Variants in DCC observed in about 807,000 individuals in gnomAD.
DCC encodes netrin receptor DCC.
A neutral mutation model predicts 172.5 loss-of-function variants in DCC; 58 were observed. The observed-to-expected ratio is 0.34, with a 90% CI of 0.27 to 0.42. The LOEUF (loss-of-function observed/expected upper bound fraction) is 0.42. Ranked by LOEUF, DCC falls within the 10% of genes least tolerant of loss-of-function variation. The pLI is 1.00. For missense variants in DCC, 1,740 were observed against 1,791.0 expected, an observed-to-expected ratio of 0.97 and a Z score of 0.51; for synonymous variants, 709 against 644.5, an observed-to-expected ratio of 1.10 and a Z score of -1.52.
At chr18:52,929,817 AACACACACACACACACAC>A (rs34457182) in intron 5 of DCC, among the ~76,000 whole-genome samples, 217 of 144,870 alleles carry the variant, frequency 1.5e-3, no homozygotes, top group African/African-American at 4.7e-3. Context: ...GGACTTTGCA[AACACACACACACACACAC>A]ACACACACAC....
intron 2 of DCC, among the ~76,000 whole-genome samples, chr18:52,797,811 A>G (rs541092890): frequency 3.5e-4 from 53 of 152,326 alleles, no homozygotes; most frequent in Non-Finnish European, 6.6e-4. Context: ...GCTGTGATGG[A>G]TGGGGCCAGG....
chr18:53,426,885 G>T (rs1255622612), intron 21 of DCC, among the ~76,000 whole-genome samples: 1 of 152,088 alleles, frequency 6.6e-6, no homozygotes. Context: ...GCACCAGCAG[G>T]GTGCTCATGT....
At chr18:52,842,779 TTTG>T (rs2038828032) in intron 2 of DCC, among the ~76,000 whole-genome samples, 1 of 152,166 alleles carries the variant, frequency 6.6e-6, no homozygotes, top group African/African-American at 2.4e-5. Context: ...TAATAAGTTA[TTTG>T]AACAAAAATC....
chr18:53,500,146 G>A (rs1350994050), intron 27 of DCC, among the ~76,000 whole-genome samples: 2 of 152,058 alleles, frequency 1.3e-5, no homozygotes, highest in Non-Finnish European at 2.9e-5. Context: ...TCCCAATGCA[G>A]TATTGATTTT....
At chr18:52,637,803 A>G (rs1403381648) in intron 1 of DCC, among the ~76,000 whole-genome samples, 1 of 152,214 alleles carries the variant, frequency 6.6e-6, no homozygotes, top group Non-Finnish European at 1.5e-5. Flanking sequence ...TTTAAATACA[A>G]GAAGCACAAA....
chr18:53,463,515 G>T (rs1262181159), intron 24 of DCC, among the ~76,000 whole-genome samples: 1 of 152,118 alleles, frequency 6.6e-6, no homozygotes, highest in Non-Finnish European at 1.5e-5. Flanking sequence ...ATTTAACAAT[G>T]GGGTTCCTGA....
intron 1 of DCC, among the ~76,000 whole-genome samples, chr18:52,700,457 T>G (rs572091545): frequency 2.6e-5 from 4 of 152,154 alleles, no homozygotes; most frequent in Non-Finnish European, 5.9e-5. Flanking sequence ...ATGTCCAACT[T>G]AATTTTTCCC....
chr18:52,831,866 A>G (rs1351867006), intron 2 of DCC, among the ~76,000 whole-genome samples: 1 of 152,140 alleles, frequency 6.6e-6, no homozygotes, highest in African/African-American at 2.4e-5. Context: ...AGTGGGGTTT[A>G]AAGCCATGGG....
intron 15 of DCC, among the ~76,000 whole-genome samples, chr18:53,384,912 A>G (rs1007076440): frequency 1.3e-5 from 2 of 150,090 alleles, no homozygotes; most frequent in Admixed American, 6.6e-5. Context: ...CAATGGCGCT[A>G]TCTCGGCTCA....
At chr18:53,051,097 G>A (rs1253271175) in intron 5 of DCC, among the ~76,000 whole-genome samples, 2 of 152,074 alleles carry the variant, frequency 1.3e-5, no homozygotes, top group Non-Finnish European at 2.9e-5. Flanking sequence ...AAGCATGGTG[G>A]CGTGCGCCTG....
intron 28 of DCC, among the ~76,000 whole-genome samples, chr18:53,527,563 C>T (rs1014459979): frequency 6.0e-5 from 9 of 150,420 alleles, no homozygotes; most frequent in South Asian, 2.1e-4. Flanking sequence ...AAGGAAATGA[C>T]GTAATTAAAA....
intron 14 of DCC, among the ~76,000 whole-genome samples, chr18:53,334,734 T>C (rs1360422811): frequency 1.3e-5 from 2 of 152,236 alleles, no homozygotes; most frequent in African/African-American, 4.8e-5. Flanking sequence ...CCAAGGCTCC[T>C]GCATCTTGTA....
intron 2 of DCC, among the ~76,000 whole-genome samples, chr18:52,764,690 T>C (rs1394889996): frequency 6.6e-6 from 1 of 152,216 alleles, no homozygotes; most frequent in African/African-American, 2.4e-5. Flanking sequence ...TGCACAGCTT[T>C]CAAAACCGAA....
chr18:52,782,294 T>A (rs1046930285), intron 2 of DCC, among the ~76,000 whole-genome samples: 2 of 152,230 alleles, frequency 1.3e-5, no homozygotes, highest in Admixed American at 1.3e-4. Context: ...AGGCAGGAGT[T>A]TTATTGTGAA....
At chr18:53,082,029 T>C (rs776822892) in intron 7 of DCC, among the ~76,000 whole-genome samples, 12 of 151,966 alleles carry the variant, frequency 7.9e-5, no homozygotes, top group South Asian at 4.1e-4. Flanking sequence ...AATCTAAGAG[T>C]GCTTAATCTA....
chr18:52,625,136 A>G (rs116616470), intron 1 of DCC, among the ~76,000 whole-genome samples: 3,413 of 152,294 alleles, frequency 0.022, 151 homozygotes, highest in African/African-American at 0.078. Flanking sequence ...AACATAGAAA[A>G]GGTACTGTAA....
intron 13 of DCC, among the ~76,000 whole-genome samples, chr18:53,310,989 A>G (rs1288701014): frequency 1.7e-5 from 1 of 57,384 alleles, no homozygotes; most frequent in Non-Finnish European, 3.6e-5. Context: ...AGAAGCATCT[A>G]GGACACACAC....
chr18:52,448,186 T>G (rs1004638981), intron 1 of DCC, among the ~76,000 whole-genome samples: 2 of 152,302 alleles, frequency 1.3e-5, no homozygotes, highest in East Asian at 1.9e-4. Context: ...TGAACCCTAC[T>G]GTGAACTGCA....
chr18:53,074,157 T>C (rs1403797628), intron 7 of DCC, among the ~76,000 whole-genome samples: 1 of 152,160 alleles, frequency 6.6e-6, no homozygotes, highest in South Asian at 2.1e-4. Context: ...TTGTCTCTTA[T>C]ATGAGAAAAG....
Sources: allele counts gnomAD v4.1 joint callset (sites outside exome capture counted in the v4.1 genomes callset), GRCh38; gene constraint gnomAD v4.1.1; transcripts MANE v1.5; gene names NCBI Gene and HGNC (gene_info 2026-07-23, HGNC 2026-07-21).